The following NRG1 variants were observed in gnomAD, a reference collection of about 807,000 sequenced individuals.
NRG1 encodes pro-neuregulin-1, membrane-bound isoform.
In NRG1, 18 loss-of-function variants were observed where a neutral mutation model predicts 63.8. That is an observed-to-expected ratio of 0.28 (90% CI 0.19 to 0.42). NRG1 has a LOEUF of 0.42. NRG1 is among the 10% of genes least tolerant of loss of function. NRG1 has a pLI of 1.00. For missense variants in NRG1, 762 were observed against 814.7 expected (o/e 0.94, Z 0.79); for synonymous variants, 302 against 301.3 (o/e 1.00, Z -0.02).
chr8:32,275,552 A>G (rs1470176209), intron 1 of NRG1, among the ~76,000 whole-genome samples: 1 of 152,132 alleles, frequency 6.6e-6, no homozygotes, highest in African/African-American at 2.4e-5. Context: ...TGGATGAAAG[A>G]GCAAAATCCC....
At chr8:32,277,055 C>T (rs1168972332) in intron 1 of NRG1, among the ~76,000 whole-genome samples, 1 of 152,172 alleles carries the variant, frequency 6.6e-6, no homozygotes, top group Admixed American at 6.5e-5. Flanking sequence ...CCAGGAAGCT[C>T]ATCTGCCTCA....
At chr8:32,359,764 G>A (rs1806971308) in intron 1 of NRG1, among the ~76,000 whole-genome samples, 1 of 152,154 alleles carries the variant, frequency 6.6e-6, no homozygotes, top group Non-Finnish European at 1.5e-5. Flanking sequence ...AAGGCATAGT[G>A]AGATGTCTAG....
chr8:32,028,789 A>C (rs1817841249), intron 1 of NRG1, among the ~76,000 whole-genome samples: 1 of 152,186 alleles, frequency 6.6e-6, no homozygotes, highest in African/African-American at 2.4e-5. Flanking sequence ...TTCTTCCTGC[A>C]GTGGAAAGGG....
At chr8:32,441,056 G>A (rs1819467733) in intron 1 of NRG1, among the ~76,000 whole-genome samples, 1 of 152,098 alleles carries the variant, frequency 6.6e-6, no homozygotes, top group African/African-American at 2.4e-5. Flanking sequence ...ATTTTCGTCA[G>A]TATACTTATT....
At chr8:32,179,187 TAAA>T (rs35411561) in intron 1 of NRG1, among the ~76,000 whole-genome samples, 4,111 of 66,356 alleles carry the variant, frequency 0.062, 44 homozygotes, top group Middle Eastern at 0.19. Flanking sequence ...CTCACAGTCA[TAAA>T]AAAAAAAAAA....
intron 1 of NRG1, among the ~76,000 whole-genome samples, chr8:31,930,053 G>A (rs16878471): frequency 0.01 from 1,599 of 152,330 alleles, 26 homozygotes; most frequent in African/African-American, 0.037. Flanking sequence ...CAGTAGGACA[G>A]ATGTGTAGAC....
rs772870032 is a variant in NRG1, at chr8:32,068,847, A to G, written c.37+429416A>G. On this transcript the variant is annotated intron_variant, in intron 1 of 10. Coordinates refer to the NRG1 transcript ENST00000519301. ...GTAACTAAGTCTTAGTGCTATTGCC[A>G]GTGGTCCAATCTAAATGATGTAGTA... Among the ~76,000 whole-genome samples the G allele has an allele frequency of 1.1e-4, 17 of 152,344 alleles. 1 individual carries two copies. Among genetic ancestry groups the G allele is most frequent in the Admixed American group, 2.6e-4 (4 of 15,300 alleles).
At chr8:32,495,619 C>T (rs994608291) in intron 1 of NRG1, among the ~76,000 whole-genome samples, 13 of 152,162 alleles carry the variant, frequency 8.5e-5, no homozygotes, top group South Asian at 6.2e-4. Flanking sequence ...CTCGCCACCA[C>T]GCCCAGCTAA....
intron 1 of NRG1, among the ~76,000 whole-genome samples, chr8:32,058,168 C>CATA (rs1823268154): frequency 6.6e-6 from 1 of 151,854 alleles, no homozygotes; most frequent in African/African-American, 2.4e-5. Context: ...AGTGAAGGAC[C>CATA]ATACTTAAAC....
intron 1 of NRG1, among the ~76,000 whole-genome samples, chr8:32,458,219 T>G (rs1194582990): frequency 1.3e-5 from 2 of 152,108 alleles, no homozygotes; most frequent in African/African-American, 4.8e-5. Flanking sequence ...CCCGGCCTCA[T>G]GTAGAGCACT....
At chr8:32,442,321 T>G (rs1032521439) in intron 1 of NRG1, 2 of 152,206 alleles carry the variant, frequency 1.3e-5, no homozygotes, top group African/African-American at 4.8e-5. Context: ...AGAATTACCT[T>G]CATTATGAGC....
At chr8:32,121,840 A>G (rs950138547) in intron 1 of NRG1, among the ~76,000 whole-genome samples, 3 of 152,012 alleles carry the variant, frequency 2.0e-5, no homozygotes, top group African/African-American at 7.2e-5. Flanking sequence ...TTATCATTCT[A>G]AATATTTAAT....
intron 5 of NRG1, among the ~76,000 whole-genome samples, chr8:32,637,197 A>G (rs910345365): frequency 1.3e-5 from 2 of 152,000 alleles, no homozygotes; most frequent in African/African-American, 4.8e-5. Flanking sequence ...ATTTTCCTAT[A>G]TTTGCTTACT....
At chr8:32,437,024 A>T (rs1818879180) in intron 1 of NRG1, among the ~76,000 whole-genome samples, 1 of 152,120 alleles carries the variant, frequency 6.6e-6, no homozygotes, top group African/African-American at 2.4e-5. Flanking sequence ...GGGACTGTTT[A>T]TGCCTTTGCA....
intron 1 of NRG1, among the ~76,000 whole-genome samples, chr8:32,499,406 G>C (rs1827591009): frequency 6.6e-6 from 1 of 152,216 alleles, no homozygotes; most frequent in Non-Finnish European, 1.5e-5. Flanking sequence ...TTCAAGGCTG[G>C]GTGCGGTAGC....
At chr8:32,237,790 C>T (rs551404828) in intron 1 of NRG1, among the ~76,000 whole-genome samples, 2 of 152,106 alleles carry the variant, frequency 1.3e-5, no homozygotes, top group East Asian at 3.9e-4. Flanking sequence ...GTTATCATTT[C>T]GTTTTTGACT....
chr8:32,120,352 A>G (rs1322375552), intron 1 of NRG1, among the ~76,000 whole-genome samples: 1 of 152,100 alleles, frequency 6.6e-6, no homozygotes, highest in Non-Finnish European at 1.5e-5. Context: ...TACCTGTTAG[A>G]CCACTTACTA....
intron 1 of NRG1, among the ~76,000 whole-genome samples, chr8:32,475,704 C>G (rs1454868100): frequency 6.6e-6 from 1 of 151,982 alleles, no homozygotes; most frequent in Non-Finnish European, 1.5e-5. Flanking sequence ...TGCCACCATG[C>G]CTAGCCTGTG....
rs180803056 is a variant in NRG1 at position 32,048,923 on chromosome 8, G to A, written c.37+409492G>A. Among the ~76,000 whole-genome samples the A allele has an allele frequency of 2.2e-3, 334 of 151,942 alleles. 1 individual carries two copies. The highest frequency in any genetic ancestry group is 7.2e-3 in the Admixed American group (110 of 15,204). On this transcript the variant is annotated intron_variant, in intron 1 of 10. Transcript: ENST00000519301. ...TTTCCCATAGGATAGATTTTTAACC[G>A]TTTGGGATGGTTTAAGGGAGGCCAA...
Sources: allele counts gnomAD v4.1 joint callset (sites outside exome capture counted in the v4.1 genomes callset), GRCh38; gene constraint gnomAD v4.1.1; transcripts MANE v1.5; gene names NCBI Gene and HGNC (gene_info 2026-07-23, HGNC 2026-07-21).